Variants in ARMC2 observed in about 807,000 individuals in gnomAD.
ARMC2 encodes armadillo repeat containing 2.
ARMC2 carries 67 observed loss-of-function variants against 90.3 expected under a neutral mutation model. The observed-to-expected ratio is 0.74, with a 90% CI of 0.61 to 0.91. The LOEUF (loss-of-function observed/expected upper bound fraction) is 0.91. Ranked by LOEUF, ARMC2 falls within the 40% of genes least tolerant of loss-of-function variation. The pLI, the probability that ARMC2 is intolerant of heterozygous loss-of-function variation, is 0.00. For missense variants in ARMC2, 920 were observed against 1,030.9 expected (o/e 0.89, Z 1.47); for synonymous variants, 393 against 393.0 (o/e 1.00, Z 0.00).
chr6:108,888,148 A>C (rs1770556981), intron 5 of ARMC2, among the ~76,000 whole-genome samples: 1 of 152,190 alleles, frequency 6.6e-6, no homozygotes, highest in African/African-American at 2.4e-5. Context: ...ACTCACTTTG[A>C]GTAACTGATT....
the ARMC2 span, among the ~76,000 whole-genome samples, chr6:109,039,223 T>C: frequency 2.6e-4 from 40 of 152,114 alleles, no homozygotes; most frequent in African/African-American, 7.5e-4. Flanking sequence ...AGGGATACTA[T>C]AGAGGGTAGG....
Position 108,894,482 on chromosome 6 carries a change from A to C in ARMC2, c.687A>C (p.Arg229Ser). 1 of 1,610,764 alleles carries C rather than the reference A, an allele frequency of 6.2e-7. No homozygotes were observed. The highest frequency in any genetic ancestry group is 1.3e-5 in the African/African-American group (1 of 74,704). The change falls in exon 6 of 18, where the codon AGA (arginine) becomes AGC (serine). Residue 229 changes from arginine to serine, a missense_variant. By Grantham distance (110) the Arg-to-Ser change is moderately radical (BLOSUM62 -1). Transcript: ENST00000392644. ...HLKNGGDQGK[R>S]HARASSCPSS... ...TTCCTCCTAGGGACCAGGGGAAGAG[A>C]CATGCGAGGGCCTCATCATGCCCCA...
chr6:108,855,547 G>A (rs1018444034), intron 2 of ARMC2, among the ~76,000 whole-genome samples: 2 of 152,116 alleles, frequency 1.3e-5, no homozygotes, highest in Admixed American at 1.3e-4. Context: ...GACCTCGCCC[G>A]GCCAAGTTTT....
the ARMC2 span, chr6:109,002,291 A>C: frequency 6.2e-7 from 1 of 1,613,374 alleles, no homozygotes; most frequent in Non-Finnish European, 8.5e-7. Flanking sequence ...CTTTTCTGGG[A>C]TGAATCTGCT....
intron 11 of ARMC2, among the ~76,000 whole-genome samples, chr6:108,930,665 C>A (rs541478894): frequency 2.2e-5 from 3 of 139,222 alleles, no homozygotes; most frequent in Non-Finnish European, 4.5e-5. Flanking sequence ...GGGGTGATCT[C>A]GGCTCACTGC....
the ARMC2 span, among the ~76,000 whole-genome samples, chr6:109,011,389 T>C: frequency 6.6e-6 from 1 of 152,092 alleles, no homozygotes; most frequent in Non-Finnish European, 1.5e-5. Context: ...AAAAGAAAAA[T>C]AATTTTAATT....
At chr6:108,943,822 A>C (rs2128497925) in intron 12 of ARMC2, among the ~76,000 whole-genome samples, 1 of 152,314 alleles carries the variant, frequency 6.6e-6, no homozygotes, top group South Asian at 2.1e-4. Flanking sequence ...TACACAGTGA[A>C]ACCCTGTCTC....
chr6:109,008,934 T>TA, the ARMC2 span: 1 of 990,210 alleles, frequency 1.0e-6, no homozygotes, highest in Middle Eastern at 5.1e-4. Flanking sequence ...GGTGGCTAAA[T>TA]AATCTGTTTT....
At chr6:108,988,650 A>G in the ARMC2 span, 15 of 1,610,474 alleles carry the variant, frequency 9.3e-6, no homozygotes, top group Non-Finnish European at 1.3e-5. Flanking sequence ...CTACGATCCA[A>G]TAGCTGGTTA....
At chr6:108,886,836 A>G (rs986379406) in intron 5 of ARMC2, among the ~76,000 whole-genome samples, 9 of 152,100 alleles carry the variant, frequency 5.9e-5, no homozygotes, top group African/African-American at 1.9e-4. Context: ...CCTTAGTCAT[A>G]ATAATTAGAA....
the ARMC2 span, among the ~76,000 whole-genome samples, chr6:108,989,416 G>T: frequency 1.3e-5 from 2 of 148,806 alleles, no homozygotes; most frequent in African/African-American, 2.4e-5. Flanking sequence ...GATATCTCTA[G>T]ATCTAGAGAT....
rs769568014 is a variant in ARMC2, at chr6:108,874,245, G to A, written c.464-1898G>A. ...ACAAGCTTACTCCAGTAGATTTGAA[G>A]ATAGACAGGTATAGCTCCTTGACCT... On this transcript the variant is annotated intron_variant, in intron 4 of 17. Transcript: ENST00000392644. Among the ~76,000 whole-genome samples the A allele has an allele frequency of 6.9e-4, 105 of 152,202 alleles. 1 individual carries two copies. Among genetic ancestry groups the A allele is most frequent in the Non-Finnish European group, 5.3e-4 (36 of 68,036 alleles).
At chr6:109,022,642 C>T in the ARMC2 span, among the ~76,000 whole-genome samples, 1,190 of 151,968 alleles carry the variant, frequency 7.8e-3, 21 homozygotes, top group African/African-American at 0.028. Flanking sequence ...TCTCGATCTC[C>T]TGACCTCGTG....
At chr6:108,905,561 A>T (rs1772601337) in intron 8 of ARMC2, among the ~76,000 whole-genome samples, 1 of 151,746 alleles carries the variant, frequency 6.6e-6, no homozygotes, top group Non-Finnish European at 1.5e-5. Context: ...AGAAAGAAAG[A>T]GCAAGAAGGA....
chr6:108,852,084 T>C (rs1328608612), intron 1 of ARMC2, among the ~76,000 whole-genome samples: 1 of 152,152 alleles, frequency 6.6e-6, no homozygotes, highest in Non-Finnish European at 1.5e-5. Flanking sequence ...TGTAGGACTA[T>C]TGTGTTATGG....
At chr6:109,014,639 T>C in the ARMC2 span, among the ~76,000 whole-genome samples, 1 of 151,926 alleles carries the variant, frequency 6.6e-6, no homozygotes, top group Non-Finnish European at 1.5e-5. Context: ...GTTTGTTTTG[T>C]TTTGTTTTGT....
At chr6:109,000,747 C>A in the ARMC2 span, 1 of 1,179,478 alleles carries the variant, frequency 8.5e-7, no homozygotes, top group South Asian at 2.9e-5. Flanking sequence ...TTACAACATG[C>A]AAAAGAGCTA....
chr6:108,986,689 T>C, the ARMC2 span: 1 of 152,330 alleles, frequency 6.6e-6, no homozygotes, highest in Non-Finnish European at 1.5e-5. Flanking sequence ...AGAGACTGAA[T>C]GCACCCAGGA....
chr6:109,047,405 C>A, the ARMC2 span, among the ~76,000 whole-genome samples: 2 of 135,768 alleles, frequency 1.5e-5, no homozygotes, highest in Non-Finnish European at 3.3e-5. Context: ...CGCCTCTGCC[C>A]GGCCGCCCCT....
Sources: allele counts gnomAD v4.1 joint callset (sites outside exome capture counted in the v4.1 genomes callset), GRCh38; gene constraint gnomAD v4.1.1; transcripts MANE v1.5; gene names NCBI Gene and HGNC (gene_info 2026-07-23, HGNC 2026-07-21).